RANBP17: variants seen among roughly 807,000 people sequenced by gnomAD.
RANBP17 encodes the protein ran-binding protein 17.
RANBP17 carries 158 observed loss-of-function variants against 141.2 expected under a neutral mutation model. That is an observed-to-expected ratio of 1.12 (90% CI 0.98 to 1.28). RANBP17 has a LOEUF of 1.28. RANBP17 is among the 50% of genes most tolerant of loss of function. The pLI, the probability that RANBP17 is intolerant of heterozygous loss-of-function variation, is 0.00. For synonymous variants in RANBP17, 430 were observed against 450.0 expected, an observed-to-expected ratio of 0.96 and a Z score of 0.56; for missense variants, 1,438 against 1,290.7, an observed-to-expected ratio of 1.11 and a Z score of -1.75.
Position 170,868,106 on chromosome 5 carries a change from A to T in RANBP17, c.18+6055A>T, listed in dbSNP as rs534853560. 2.0e-5 allele frequency among the ~76,000 whole-genome samples: 3 copies of T among 152,348 alleles called. No homozygotes were observed. In the East Asian group the frequency reaches 5.8e-4, roughly 29 times the overall value. Reference sequence around the variant, plus strand: ...ACTTTTTACTTGCTATATAAAAATAACTCATCATTTAGGGGCCAATTCTGT... The same window carrying T: ...ACTTTTTACTTGCTATATAAAAATATCTCATCATTTAGGGGCCAATTCTGT... On this transcript the variant is annotated intron_variant, in intron 1 of 27. Coordinates refer to ENST00000523189, the MANE Select transcript of RANBP17 (RefSeq NM_022897.5).
At chr5:171,054,566 C>A (rs1783213757) in intron 14 of RANBP17, among the ~76,000 whole-genome samples, 1 of 152,162 alleles carries the variant, frequency 6.6e-6, no homozygotes, top group Admixed American at 6.5e-5. Flanking sequence ...TCACTTTTAT[C>A]ACCATCTTGG....
At chr5:170,963,918 A>C (rs774602459) in intron 13 of RANBP17, among the ~76,000 whole-genome samples, 94 of 152,236 alleles carry the variant, frequency 6.2e-4, no homozygotes, top group Non-Finnish European at 4.7e-4. Flanking sequence ...CTCAGTAATT[A>C]AAAGACAGCC....
intron 14 of RANBP17, among the ~76,000 whole-genome samples, chr5:171,018,903 T>C (rs777161126): frequency 6.6e-5 from 10 of 152,228 alleles, no homozygotes; most frequent in Non-Finnish European, 1.5e-4. Context: ...TTGTCATAAA[T>C]AGCTCTTATT....
intron 14 of RANBP17, among the ~76,000 whole-genome samples, chr5:171,010,076 G>C (rs1175769484): frequency 6.6e-6 from 1 of 152,168 alleles, no homozygotes; most frequent in Admixed American, 6.5e-5. Flanking sequence ...CAGAAAGGAA[G>C]GAGCCACAAA....
chr5:170,922,804 G>C (rs761505466), intron 11 of RANBP17, among the ~76,000 whole-genome samples: 5 of 152,096 alleles, frequency 3.3e-5, no homozygotes, highest in African/African-American at 4.8e-5. Context: ...CCCTGCTTCA[G>C]CTTGCCCTCC....
rs141355145 is a variant in RANBP17 at position 170,992,882 on chromosome 5, C to T, written c.1710+24505C>T. Among the ~76,000 whole-genome samples the T allele has an allele frequency of 4.1e-3, 618 of 152,156 alleles. 5 individuals carry two copies. The highest frequency in any genetic ancestry group is 0.014 in the African/African-American group (595 of 41,548). On this transcript the variant is annotated intron_variant, in intron 14 of 27. Transcript: ENST00000523189. The stretch of plus-strand genomic sequence containing the variant: ...TGGAAACGTTAAAAATGCAAATTCT[C>T]GAGCCCTGCTCCACATCTTCTGAAT...
intron 7 of RANBP17, among the ~76,000 whole-genome samples, chr5:170,913,204 A>G (rs1009101630): frequency 6.6e-6 from 1 of 152,036 alleles, no homozygotes; most frequent in East Asian, 1.9e-4. Flanking sequence ...CTTGATGTAC[A>G]AGCAAAGAAA....
chr5:170,987,530 A>C (rs751494791), intron 14 of RANBP17, among the ~76,000 whole-genome samples: 1 of 97,400 alleles, frequency 1.0e-5, no homozygotes, highest in Non-Finnish European at 2.2e-5. Flanking sequence ...TAGTATTCAG[A>C]TAGGCCTTTT....
rs894543882 is a variant in RANBP17 at position 171,238,846 on chromosome 5, G to A, written c.2423-2082G>A. ...TTATCCTTCAAACTTAGCCTGTTCT[G>A]TGAAGCCTTTCCCCCTGCCCTCCTG... On this transcript the variant is annotated intron_variant, in intron 22 of 27. Transcript: ENST00000523189. Among the ~76,000 whole-genome samples the A allele has an allele frequency of 7.9e-5, 12 of 152,266 alleles. 1 individual carries two copies. The South Asian group carries it at 2.5e-3, about 32-fold the overall frequency.
Position 170,928,132 on chromosome 5 carries a change from T to G in RANBP17, c.1468+3582T>G, listed in dbSNP as rs13356896. Among the ~76,000 whole-genome samples the G allele has an allele frequency of 5.0e-3, 758 of 152,244 alleles. 3 individuals carry two copies. Among genetic ancestry groups the G allele is most frequent in the Middle Eastern group, 0.02 (6 of 294 alleles). On this transcript the variant is annotated intron_variant, in intron 12 of 27. Coordinates refer to ENST00000523189, the MANE Select transcript of RANBP17 (RefSeq NM_022897.5). ...TAATGATGTTAAGCATCTTTTCTAT[T>G]CTTTTTTGCCACTTGTATTTCTTAT...
intron 5 of RANBP17, chr5:170,896,893 C>T (rs369987596): frequency 2.5e-4 from 145 of 585,868 alleles, no homozygotes; most frequent in African/African-American, 2.4e-3. Flanking sequence ...GAGGCCGGCG[C>T]GGCTCACAAG....
chr5:170,899,607 G>A lies in RANBP17; in HGVS notation c.489+3492G>A, dbSNP rs564806986. ...TCCTTGTCTTGTGCCGGTTTTCAAA[G>A]GGAATGCTTCCAGCTTTTGCCCATC... On this transcript the variant is annotated intron_variant, in intron 5 of 27. Coordinates refer to ENST00000523189, the MANE Select transcript of RANBP17 (RefSeq NM_022897.5). Among the ~76,000 whole-genome samples the A allele has an allele frequency of 4.6e-5, 7 of 152,292 alleles. No homozygotes were observed. The East Asian group carries it at 1.3e-3, about 29-fold the overall frequency.
chr5:171,112,837 TAAAC>T (rs1359183610), intron 14 of RANBP17, among the ~76,000 whole-genome samples: 2 of 152,020 alleles, frequency 1.3e-5, no homozygotes, highest in Admixed American at 6.6e-5. Context: ...TGTGAGGAAT[TAAAC>T]AAAGCTCTAT....
At chr5:171,199,857 G>A in intron 19 of RANBP17, 84 bp downstream of exon 19, 1 of 730,720 alleles carries the variant, frequency 1.4e-6, no homozygotes, top group East Asian at 2.7e-5. Flanking sequence ...GCATATCTGT[G>A]TGTACTCTTT....
intron 2 of RANBP17, among the ~76,000 whole-genome samples, chr5:170,879,009 G>T (rs79447871): frequency 0.027 from 4,088 of 152,114 alleles, 170 homozygotes; most frequent in African/African-American, 0.093. Flanking sequence ...TAATAATACA[G>T]GTCTGTTAAT....
intron 21 of RANBP17, among the ~76,000 whole-genome samples, chr5:171,218,459 C>T (rs1441442216): frequency 6.6e-6 from 1 of 152,144 alleles, no homozygotes; most frequent in African/African-American, 2.4e-5. Flanking sequence ...AATTTTCTGT[C>T]TCATCAATCT....
intron 2 of RANBP17, among the ~76,000 whole-genome samples, chr5:170,879,355 G>C (rs1161427406): frequency 1.3e-5 from 2 of 152,078 alleles, no homozygotes; most frequent in African/African-American, 4.8e-5. Flanking sequence ...GCTCTTAATT[G>C]CACAGTTAAA....
intron 14 of RANBP17, among the ~76,000 whole-genome samples, chr5:171,005,688 G>C (rs1034001294): frequency 3.9e-5 from 6 of 152,140 alleles, no homozygotes; most frequent in African/African-American, 7.2e-5. Flanking sequence ...GCATGGGCAA[G>C]GACTTCATGT....
At chr5:171,018,252 C>T (rs1780594295) in intron 14 of RANBP17, among the ~76,000 whole-genome samples, 1 of 151,890 alleles carries the variant, frequency 6.6e-6, no homozygotes, top group Non-Finnish European at 1.5e-5. Context: ...TTTTTTGGTT[C>T]TATATGAAAT....
Sources: gnomAD v4.1 joint callset for allele counts (sites outside exome capture counted in the v4.1 genomes callset) on GRCh38, gnomAD v4.1.1 for gene constraint, MANE v1.5 for transcripts, NCBI Gene and HGNC (gene_info 2026-07-23, HGNC 2026-07-21) for gene names.